Variants in MACROD2 observed in about 807,000 individuals in gnomAD.
The protein encoded by MACROD2 is ADP-ribose glycohydrolase MACROD2.
MACROD2 carries 36 observed loss-of-function variants against 70.4 expected under a neutral mutation model. The ratio of observed to expected loss-of-function variants is 0.51; its 90% confidence interval spans 0.39 to 0.68. The LOEUF (loss-of-function observed/expected upper bound fraction) is 0.68. Ranked by LOEUF, MACROD2 falls within the 30% of genes least tolerant of loss-of-function variation. The probability of loss-of-function intolerance (pLI) is 0.00; values close to 1 mark genes in which losing one functional copy is unlikely to be tolerated. For synonymous variants in MACROD2, 172 were observed against 178.8 expected (o/e 0.96, Z 0.30); for missense variants, 496 against 538.4 (o/e 0.92, Z 0.78).
At chr20:15,199,330 C>T (rs1357163129) in intron 5 of MACROD2, among the ~76,000 whole-genome samples, 1 of 151,962 alleles carries the variant, frequency 6.6e-6, no homozygotes, top group Non-Finnish European at 1.5e-5. Flanking sequence ...GCACTCCAGC[C>T]TAGGCAACAG....
chr20:15,333,846 T>C (rs1164826244), intron 6 of MACROD2, among the ~76,000 whole-genome samples: 1 of 151,724 alleles, frequency 6.6e-6, no homozygotes, highest in Non-Finnish European at 1.5e-5. Flanking sequence ...ATTTGAACTT[T>C]ACTTTTTGAT....
chr20:14,141,751 A>G (rs2054878072), intron 3 of MACROD2, among the ~76,000 whole-genome samples: 2 of 19,300 alleles, frequency 1.0e-4, no homozygotes, highest in Non-Finnish European at 1.5e-4. Flanking sequence ...ATCTCAGAAA[A>G]AAAAAAAAAA....
intron 4 of MACROD2, among the ~76,000 whole-genome samples, chr20:14,666,405 G>A (rs888333528): frequency 3.3e-5 from 5 of 151,978 alleles, no homozygotes; most frequent in Admixed American, 3.3e-4. Flanking sequence ...CAGAAAGTTG[G>A]GGACTTTCTG....
chr20:14,923,368 G>C (rs75452373), intron 5 of MACROD2, among the ~76,000 whole-genome samples: 2 of 152,256 alleles, frequency 1.3e-5, no homozygotes, highest in African/African-American at 4.8e-5. Context: ...ACATTCTGCT[G>C]CCTACTCAGT....
intron 3 of MACROD2, among the ~76,000 whole-genome samples, chr20:14,424,446 C>G (rs1441828191): frequency 2.6e-5 from 4 of 152,176 alleles, no homozygotes; most frequent in Non-Finnish European, 2.9e-5. Context: ...TCTTTCTCTC[C>G]TCTGTCCACA....
At chr20:14,040,099 G>A (rs2053371730) in intron 2 of MACROD2, among the ~76,000 whole-genome samples, 1 of 152,072 alleles carries the variant, frequency 6.6e-6, no homozygotes, top group African/African-American at 2.4e-5. Flanking sequence ...AAGTACAGTC[G>A]TGTGTTGCCA....
chr20:14,211,911 C>T (rs927856703), intron 3 of MACROD2, among the ~76,000 whole-genome samples: 4 of 152,158 alleles, frequency 2.6e-5, no homozygotes, highest in African/African-American at 9.7e-5. Context: ...TTTCTCTACA[C>T]CTTAGCAAAT....
At chr20:15,244,792 G>A (rs1323585926) in intron 6 of MACROD2, among the ~76,000 whole-genome samples, 1 of 152,090 alleles carries the variant, frequency 6.6e-6, no homozygotes, top group Non-Finnish European at 1.5e-5. Flanking sequence ...ATTTTAAACA[G>A]TAGTAAAGGC....
chr20:15,386,852 A>G (rs1214467596), intron 6 of MACROD2, among the ~76,000 whole-genome samples: 1 of 152,170 alleles, frequency 6.6e-6, no homozygotes, highest in Non-Finnish European at 1.5e-5. Context: ...TATTTAATTT[A>G]TCCCTTGTAA....
At chr20:14,207,795 C>T (rs529157049) in intron 3 of MACROD2, among the ~76,000 whole-genome samples, 7 of 152,240 alleles carry the variant, frequency 4.6e-5, no homozygotes, top group African/African-American at 1.2e-4. Context: ...GAGAGATAGC[C>T]GTGGGTCATA....
intron 4 of MACROD2, among the ~76,000 whole-genome samples, chr20:14,585,361 A>G (rs954085132): frequency 1.3e-5 from 2 of 152,116 alleles, no homozygotes; most frequent in Non-Finnish European, 2.9e-5. Context: ...ACATAACCCC[A>G]TTTCCGAAGA....
chr20:14,112,228 G>A (rs1437204315), intron 3 of MACROD2, among the ~76,000 whole-genome samples: 1 of 151,940 alleles, frequency 6.6e-6, no homozygotes, highest in Non-Finnish European at 1.5e-5. Flanking sequence ...GTAGTGGGGG[G>A]TTGGAGGGTA....
At chr20:15,851,201 CAT>C (rs889338626) in intron 8 of MACROD2, among the ~76,000 whole-genome samples, 1 of 151,592 alleles carries the variant, frequency 6.6e-6, no homozygotes, top group Non-Finnish European at 1.5e-5. Context: ...GGAGAGGAAA[CAT>C]GTGAGAAGCA....
intron 8 of MACROD2, among the ~76,000 whole-genome samples, chr20:15,615,953 A>C (rs1269909576): frequency 3.3e-5 from 5 of 152,146 alleles, no homozygotes; most frequent in Non-Finnish European, 5.9e-5. Context: ...TTGGTTACTA[A>C]ATGAAATAAA....
At chr20:14,856,061 A>C (rs2073252670) in intron 5 of MACROD2, among the ~76,000 whole-genome samples, 1 of 152,118 alleles carries the variant, frequency 6.6e-6, no homozygotes, top group African/African-American at 2.4e-5. Flanking sequence ...ATCAAGATCC[A>C]TTATATTACA....
At chr20:15,240,566 A>C (rs1377949499) in intron 6 of MACROD2, among the ~76,000 whole-genome samples, 1 of 152,180 alleles carries the variant, frequency 6.6e-6, no homozygotes, top group Non-Finnish European at 1.5e-5. Flanking sequence ...CCAGTCTAAA[A>C]AGAAAAGAAG....
chr20:14,199,810 A>G (rs2081463875), intron 3 of MACROD2, among the ~76,000 whole-genome samples: 1 of 152,170 alleles, frequency 6.6e-6, no homozygotes, highest in Non-Finnish European at 1.5e-5. Context: ...TACTATTATT[A>G]TCCTCATTTA....
chr20:14,497,927 C>A (rs1013597514), intron 4 of MACROD2, among the ~76,000 whole-genome samples: 2 of 151,702 alleles, frequency 1.3e-5, no homozygotes, highest in African/African-American at 4.9e-5. Context: ...ATTTGTCCAA[C>A]GCGAGAACAG....
chr20:14,434,356 A>C (rs2086570913), intron 3 of MACROD2, among the ~76,000 whole-genome samples: 1 of 152,172 alleles, frequency 6.6e-6, no homozygotes, highest in South Asian at 2.1e-4. Context: ...TACCATTTTT[A>C]AACTCGGTTT....
Sources: allele counts gnomAD v4.1 joint callset (sites outside exome capture counted in the v4.1 genomes callset), GRCh38; gene constraint gnomAD v4.1.1; transcripts MANE v1.5; gene names NCBI Gene and HGNC (gene_info 2026-07-23, HGNC 2026-07-21).